AASS: variants seen among roughly 807,000 people sequenced by gnomAD.
The protein encoded by AASS is alpha-aminoadipic semialdehyde synthase, mitochondrial.
AASS carries 86 observed loss-of-function variants against 105.4 expected under a neutral mutation model. The ratio of observed to expected loss-of-function variants is 0.82; its 90% confidence interval spans 0.69 to 0.98. The LOEUF (loss-of-function observed/expected upper bound fraction) is 0.98. AASS is among the 50% of genes least tolerant of loss of function. The pLI, the probability that AASS is intolerant of heterozygous loss-of-function variation, is 0.00. For synonymous variants in AASS, 381 were observed against 394.8 expected (o/e 0.96, Z 0.41); for missense variants, 1,048 against 1,143.2 (o/e 0.92, Z 1.20).
At chr7:122,133,126 A>G (rs1206875425) in intron 2 of AASS, among the ~76,000 whole-genome samples, 1 of 152,132 alleles carries the variant, frequency 6.6e-6, no homozygotes, top group Non-Finnish European at 1.5e-5. Flanking sequence ...ATACATATAT[A>G]TGTATATTGC....
chr7:122,078,830 T>C (rs1423573965), intron 22 of AASS, 32 bp downstream of exon 22: 2 of 1,574,236 alleles, frequency 1.3e-6, no homozygotes, highest in Non-Finnish European at 1.7e-6. Flanking sequence ...GATTCTTCTT[T>C]AGGTATATTT....
intron 18 of AASS, among the ~76,000 whole-genome samples, chr7:122,091,112 T>C (rs1427745181): frequency 1.3e-5 from 2 of 152,184 alleles, no homozygotes; most frequent in Non-Finnish European, 2.9e-5. Flanking sequence ...AAGAGTTAGT[T>C]AGACCTGGGT....
chr7:122,087,778 G>T (rs768451129), intron 18 of AASS, among the ~76,000 whole-genome samples: 1 of 152,148 alleles, frequency 6.6e-6, no homozygotes, highest in Non-Finnish European at 1.5e-5. Flanking sequence ...CTTAAGTTTT[G>T]TTTGCTTGTT....
At chr7:122,104,297 T>TA (rs58810788) in intron 11 of AASS, among the ~76,000 whole-genome samples, 95,129 of 151,842 alleles carry the variant, frequency 0.63, 31,608 homozygotes, top group African/African-American at 0.87. Flanking sequence ...TATGCAGCCA[T>TA]AAAAAAGAAT....
chr7:122,082,909 G>C (rs1331796563), intron 19 of AASS: 1 of 1,236,932 alleles, frequency 8.1e-7, no homozygotes, highest in Non-Finnish European at 1.1e-6. Context: ...AGAACAAATG[G>C]CTGGATAAAT....
chr7:122,119,155 CTCT>C (rs2150540202), intron 4 of AASS, among the ~76,000 whole-genome samples: 1 of 152,214 alleles, frequency 6.6e-6, no homozygotes, highest in South Asian at 2.1e-4. Context: ...CAATGCAGAC[CTCT>C]TCTTTGTTGA....
At chr7:122,123,097 C>A (rs1795509337) in intron 4 of AASS, among the ~76,000 whole-genome samples, 1 of 152,172 alleles carries the variant, frequency 6.6e-6, no homozygotes, top group African/African-American at 2.4e-5. Context: ...ATAGAGTTCC[C>A]TGGCAATTGT....
intron 22 of AASS, 133 bp from the exon 23 acceptor site, chr7:122,078,147 C>T (rs1793116302): frequency 2.3e-6 from 2 of 866,814 alleles, no homozygotes; most frequent in Non-Finnish European, 3.8e-6. Flanking sequence ...ATTATTTACA[C>T]AGCTTTTTAG....
At chr7:122,107,885 T>A (rs578034409) in intron 11 of AASS, among the ~76,000 whole-genome samples, 2 of 144,078 alleles carry the variant, frequency 1.4e-5, no homozygotes, top group Non-Finnish European at 3.0e-5. Flanking sequence ...CCCCTGAACC[T>A]AAAAGTTTTT....
chr7:122,086,258 G>C, intron 18 of AASS, 79 bp from the exon 19 acceptor site: 1 of 1,337,474 alleles, frequency 7.5e-7, no homozygotes, highest in Non-Finnish European at 1.0e-6. Flanking sequence ...TACGAACAAA[G>C]AAAGCAACAG....
At chr7:122,083,199 G>C (rs1021523443) in intron 19 of AASS, among the ~76,000 whole-genome samples, 2 of 152,064 alleles carry the variant, frequency 1.3e-5, no homozygotes, top group African/African-American at 4.8e-5. Context: ...TGTTCAAACT[G>C]TTCAAAGGTT....
rs1200159493 is a variant in AASS, at chr7:122,116,938, T to C, written c.707A>G (p.Asn236Ser). 10 of 1,613,942 alleles carry C rather than the reference T, an allele frequency of 6.2e-6. No individual in the cohort carries two copies. Among genetic ancestry groups the C allele is most frequent in the South Asian group, 1.1e-5 (1 of 91,080 alleles). ...CTCCACATATTCACAAGGTAGCTCATTAAAGATTGCTTGGGCTCCCTACAA... is the reference window on the plus strand; with the variant it reads ...CTCCACATATTCACAAGGTAGCTCACTAAAGATTGCTTGGGCTCCCTACAA... ...NVSKGAQAIF[N>S]ELPCEYVEPH... The change falls in exon 7 of 24, where the codon AAT becomes AGT. Residue 236 changes from asparagine (N) to serine (S), a missense_variant. Asn to Ser is a conservative substitution (Grantham distance 46, BLOSUM62 1). Coordinates refer to ENST00000417368, the MANE Select transcript of AASS (RefSeq NM_005763.4).
Position 122,077,838 on chromosome 7 carries a change from C to T in AASS, c.2662G>A (p.Gly888Ser), listed in dbSNP as rs373242380. Residue 888 changes from glycine to serine, a missense_variant and splice_region_variant, in exon 23 of 24, where the codon GGT becomes AGT. Gly to Ser is a moderately conservative substitution (Grantham distance 56). Transcript: ENST00000417368. Reference protein sequence around the residue: ...TAMAAKMLLDGEIGAKGLMGP... With the variant: ...TAMAAKMLLDSEIGAKGLMGP... ...TTACACCTCAAATGAACAGACTTAC[C>T]ATCAAGCAACATTTTGGCTGCCATG... is the stretch of plus-strand genomic sequence containing the variant. 13 of 1,614,054 alleles carry T rather than the reference C, an allele frequency of 8.1e-6. No homozygotes were observed. The highest frequency in any genetic ancestry group is 1.6e-4 in the Middle Eastern group (1 of 6,084).
At chr7:122,127,460 T>A (rs1383333033) in intron 3 of AASS, among the ~76,000 whole-genome samples, 2 of 151,948 alleles carry the variant, frequency 1.3e-5, no homozygotes, top group African/African-American at 4.8e-5. Flanking sequence ...GTTAGGTCAG[T>A]TTTTTTTAAT....
At chr7:122,082,233 T>C (rs1793373376) in intron 19 of AASS, among the ~76,000 whole-genome samples, 1 of 152,190 alleles carries the variant, frequency 6.6e-6, no homozygotes, top group South Asian at 2.1e-4. Flanking sequence ...CCTGAGGTCC[T>C]TGGTATATTA....
chr7:122,077,404 T>C (rs756394241), intron 23 of AASS, among the ~76,000 whole-genome samples: 1 of 152,192 alleles, frequency 6.6e-6, no homozygotes, highest in Non-Finnish European at 1.5e-5. Context: ...TCTTTTTCTA[T>C]TTTAGAGTTA....
At chr7:122,132,471 G>A (rs1344383879) in intron 2 of AASS, among the ~76,000 whole-genome samples, 1 of 152,074 alleles carries the variant, frequency 6.6e-6, no homozygotes, top group African/African-American at 2.4e-5. Flanking sequence ...TGAGGAATAG[G>A]AACATCACAG....
Position 122,140,485 on chromosome 7 carries a change from C to CAAAAAAA in AASS, c.-16+3669_-16+3675dup, listed in dbSNP as rs57828681. Among the ~76,000 whole-genome samples the CAAAAAAA allele has an allele frequency of 3.5e-3, 132 of 37,330 alleles. 23 individuals are homozygous for CAAAAAAA. Among genetic ancestry groups the CAAAAAAA allele is most frequent in the African/African-American group, 9.0e-3 (83 of 9,212 alleles). The allele number at this position is 37,330 out of a possible 152,430, so 24.5% of individuals were successfully genotyped here. A position where few individuals can be genotyped will look rare whatever the true frequency, so the allele number is the denominator to read the frequency against. On this transcript the variant is annotated intron_variant, in intron 1 of 23. Transcript: ENST00000417368. ...TGGGCGACAGAGCGAGACTCAGTCT[C>CAAAAAAA]AAAAAAAAAAAAAAAAAAAAAAAGA...
chr7:122,142,945 A>T (rs1011309454), intron 1 of AASS, among the ~76,000 whole-genome samples: 4 of 152,194 alleles, frequency 2.6e-5, no homozygotes, highest in African/African-American at 9.6e-5. Context: ...ACTGATAACA[A>T]ATATGATTAT....
Sources: allele counts gnomAD v4.1 joint callset (sites outside exome capture counted in the v4.1 genomes callset), GRCh38; gene constraint gnomAD v4.1.1; transcripts MANE v1.5; gene names NCBI Gene and HGNC (gene_info 2026-07-23, HGNC 2026-07-21).